Variants in CDH13 observed in about 807,000 individuals in gnomAD.
CDH13 encodes cadherin 13.
CDH13 carries 24 observed loss-of-function variants against 63.8 expected under a neutral mutation model. That is an observed-to-expected ratio of 0.38 (90% confidence interval 0.27 to 0.53). The LOEUF is 0.53. Ranked by LOEUF, CDH13 falls within the 20% of genes least tolerant of loss-of-function variation. The pLI is 0.85. For synonymous variants in CDH13, 503 were observed against 355.3 expected (o/e 1.42, Z -4.67); for missense variants, 1,049 against 903.1 (o/e 1.16, Z -2.07).
At chr16:82,877,983 T>C (rs1009795320) in intron 2 of CDH13, among the ~76,000 whole-genome samples, 1 of 150,490 alleles carries the variant, frequency 6.6e-6, no homozygotes, top group Admixed American at 6.6e-5. Flanking sequence ...ACACACTCTA[T>C]ATATGTATAT....
intron 1 of CDH13, among the ~76,000 whole-genome samples, chr16:82,734,036 G>GA (rs34832232): frequency 0.99 from 150,396 of 152,270 alleles, 74,296 homozygotes; most frequent in Middle Eastern, 1. Context: ...AATAAGGTGG[G>GA]AAGAGAACTA....
chr16:83,352,559 C>G (rs550939125), intron 6 of CDH13, among the ~76,000 whole-genome samples: 1 of 152,196 alleles, frequency 6.6e-6, no homozygotes, highest in Non-Finnish European at 1.5e-5. Flanking sequence ...ACCATACATA[C>G]ATACACACAC....
At chr16:83,375,939 G>A (rs1432153794) in intron 6 of CDH13, among the ~76,000 whole-genome samples, 1 of 152,126 alleles carries the variant, frequency 6.6e-6, no homozygotes, top group Non-Finnish European at 1.5e-5. Context: ...CAGAGTGTAT[G>A]CATTAGGACT....
intron 1 of CDH13, among the ~76,000 whole-genome samples, chr16:82,697,887 A>G (rs913626075): frequency 6.6e-6 from 1 of 152,134 alleles, no homozygotes; most frequent in Non-Finnish European, 1.5e-5. Context: ...CTGTGGAACT[A>G]TACTGTTTAT....
chr16:83,569,232 A>C (rs1904346022), intron 7 of CDH13, among the ~76,000 whole-genome samples: 1 of 151,716 alleles, frequency 6.6e-6, no homozygotes, highest in Non-Finnish European at 1.5e-5. Flanking sequence ...ATCTTTTCAG[A>C]CTCAGCTTAA....
At chr16:83,575,432 C>A (rs1039805143) in intron 7 of CDH13, among the ~76,000 whole-genome samples, 2 of 152,192 alleles carry the variant, frequency 1.3e-5, no homozygotes, top group African/African-American at 2.4e-5. Flanking sequence ...GGATCCTTTT[C>A]CTCTCAGGAG....
chr16:83,250,028 A>G (rs1234032253), intron 5 of CDH13, among the ~76,000 whole-genome samples: 1 of 152,242 alleles, frequency 6.6e-6, no homozygotes, highest in African/African-American at 2.4e-5. Context: ...AATGAGAGAC[A>G]ACAGATCCTA....
chr16:83,569,938 T>C (rs935164441), intron 7 of CDH13, among the ~76,000 whole-genome samples: 2 of 152,130 alleles, frequency 1.3e-5, no homozygotes, highest in Non-Finnish European at 2.9e-5. Context: ...GGTTTCACCA[T>C]ATTGGCCAGG....
chr16:83,291,450 C>T (rs1315167035), intron 5 of CDH13, among the ~76,000 whole-genome samples: 1 of 152,120 alleles, frequency 6.6e-6, no homozygotes, highest in Admixed American at 6.6e-5. Context: ...TTCCTTCCAC[C>T]ACCTGATAGT....
intron 6 of CDH13, among the ~76,000 whole-genome samples, chr16:83,416,038 G>T (rs1435901482): frequency 6.6e-6 from 1 of 152,104 alleles, no homozygotes; most frequent in Non-Finnish European, 1.5e-5. Flanking sequence ...ATTAATAAAT[G>T]AATTTAGTAA....
At chr16:83,089,120 G>T (rs1361333229) in intron 3 of CDH13, among the ~76,000 whole-genome samples, 3 of 152,132 alleles carry the variant, frequency 2.0e-5, no homozygotes, top group Non-Finnish European at 4.4e-5. Flanking sequence ...TTAGATATAA[G>T]CGTATATTTT....
At chr16:83,242,680 G>T (rs912631592) in intron 5 of CDH13, among the ~76,000 whole-genome samples, 1 of 152,170 alleles carries the variant, frequency 6.6e-6, no homozygotes, top group Non-Finnish European at 1.5e-5. Flanking sequence ...AGGGACAATG[G>T]CAATACTTGG....
At chr16:83,719,158 T>C (rs1318270318) in intron 10 of CDH13, among the ~76,000 whole-genome samples, 1 of 152,116 alleles carries the variant, frequency 6.6e-6, no homozygotes, top group Non-Finnish European at 1.5e-5. Flanking sequence ...TTGCAGAGAG[T>C]CCAGTAGCCA....
chr16:83,242,773 T>G (rs1311568492), intron 5 of CDH13, among the ~76,000 whole-genome samples: 2 of 152,206 alleles, frequency 1.3e-5, no homozygotes, highest in African/African-American at 4.8e-5. Context: ...TGCTTCCAGA[T>G]GCAGCAGGAT....
chr16:83,075,548 G>T (rs932918447), intron 3 of CDH13, among the ~76,000 whole-genome samples: 17 of 152,324 alleles, frequency 1.1e-4, no homozygotes, highest in African/African-American at 3.8e-4. Flanking sequence ...ATTGCATCCA[G>T]TGCGTACCTT....
intron 3 of CDH13, among the ~76,000 whole-genome samples, chr16:83,035,159 C>A (rs570507711): frequency 6.6e-6 from 1 of 152,104 alleles, no homozygotes; most frequent in Non-Finnish European, 1.5e-5. Flanking sequence ...CTGAAGAGAG[C>A]ACATACCTCA....
intron 3 of CDH13, among the ~76,000 whole-genome samples, chr16:83,083,658 G>C (rs1370278519): frequency 1.3e-5 from 2 of 152,204 alleles, no homozygotes; most frequent in African/African-American, 4.8e-5. Context: ...AACTCGCAGA[G>C]AAACTCGATA....
intron 1 of CDH13, among the ~76,000 whole-genome samples, chr16:82,707,301 G>A (rs2031570128): frequency 6.6e-6 from 1 of 152,148 alleles, no homozygotes; most frequent in South Asian, 2.1e-4. Flanking sequence ...TCAAAGAGAA[G>A]GGAGTTGTAA....
chr16:83,041,876 C>G (rs1385969209), intron 3 of CDH13, among the ~76,000 whole-genome samples: 2 of 152,224 alleles, frequency 1.3e-5, no homozygotes, highest in African/African-American at 4.8e-5. Flanking sequence ...ATGCTTCATT[C>G]AGTGCCTTGC....
Sources: allele counts gnomAD v4.1 joint callset (sites outside exome capture counted in the v4.1 genomes callset), GRCh38; gene constraint gnomAD v4.1.1; transcripts MANE v1.5; gene names NCBI Gene and HGNC (gene_info 2026-07-23, HGNC 2026-07-21).